RERGL: variants seen among roughly 807,000 people sequenced by gnomAD.
The protein encoded by RERGL is RERG like.
A neutral mutation model predicts 24.7 loss-of-function variants in RERGL; 22 were observed. The ratio of observed to expected loss-of-function variants is 0.89; its 90% CI spans 0.64 to 1.27. The LOEUF is 1.27. Among genes scored for constraint, RERGL ranks in the 50% most tolerant of loss-of-function variants. RERGL has a pLI of 0.00. For missense variants in RERGL, 259 were observed against 235.3 expected (o/e 1.10, Z -0.66); for synonymous variants, 76 against 82.6 (o/e 0.92, Z 0.43).
chr12:18,085,839 G>A, intron 2 of RERGL, 146 bp from the exon 3 acceptor site: 1 of 406,054 alleles, frequency 2.5e-6, no homozygotes, highest in Non-Finnish European at 4.4e-6. Context: ...TATTTACTCA[G>A]ATATGTTTCT....
In RERGL at chr12:18,081,084, A is replaced by G; in HGVS notation, c.*107T>C. 1 of 1,002,164 alleles carries G rather than the reference A, an allele frequency of 1.0e-6. No individual in the cohort carries two copies. The highest frequency in any genetic ancestry group is 1.4e-6 in the Non-Finnish European group (1 of 698,172). 62.1% of individuals were successfully genotyped at this position (1,002,164 alleles called of 1,614,324 possible). On this transcript the variant is annotated 3_prime_UTR_variant, in exon 5 of 5. Coordinates refer to ENST00000538724, the MANE Select transcript of RERGL (RefSeq NM_001286201.2). The stretch of plus-strand genomic sequence containing the variant: ...CATACTCAATCATTTCATATCTCCA[A>G]GAGAATTCTTTTTACCAAAAAAAAA...
intron 3 of RERGL, 38 bp downstream of exon 3, chr12:18,085,582 T>C (rs1217887411): frequency 7.7e-7 from 1 of 1,290,330 alleles, no homozygotes; most frequent in Non-Finnish European, 1.1e-6. Context: ...AATCAATCAA[T>C]AAATAAATCA....
chr12:18,087,759 T>G (rs917078717), intron 2 of RERGL, among the ~76,000 whole-genome samples: 3 of 152,198 alleles, frequency 2.0e-5, no homozygotes, highest in Non-Finnish European at 4.4e-5. Flanking sequence ...TTTGTTTTAT[T>G]TTTTAGTTCT....
chr12:18,084,100 T>C (rs1044201021), intron 4 of RERGL, among the ~76,000 whole-genome samples: 10 of 152,308 alleles, frequency 6.6e-5, no homozygotes, highest in Non-Finnish European at 1.0e-4. Flanking sequence ...TTTGCTTTGA[T>C]AGATTGAACA....
intron 2 of RERGL, 146 bp from the exon 3 acceptor site, chr12:18,085,839 G>T: frequency 9.9e-6 from 4 of 406,048 alleles, no homozygotes; most frequent in Non-Finnish European, 1.8e-5. Flanking sequence ...TATTTACTCA[G>T]ATATGTTTCT....
rs1947232663 is a variant in RERGL, at chr12:18,087,636, T to C, written c.109+1264A>G. On this transcript the variant is annotated intron_variant, in intron 2 of 4. Transcript: ENST00000538724. ...ATGCCTCTAGGTCTTTTATTTTTCA[T>C]CGAGAGGTAACAGCCAGAAATATGT... 2.0e-5 allele frequency among the ~76,000 whole-genome samples: 3 copies of C among 152,176 alleles called. 1 individual carries two copies. Among genetic ancestry groups the C allele is most frequent in the Non-Finnish European group, 4.4e-5 (3 of 68,010 alleles).
intron 2 of RERGL, among the ~76,000 whole-genome samples, chr12:18,088,385 C>A (rs1056546779): frequency 1.3e-5 from 2 of 151,956 alleles, no homozygotes; most frequent in Admixed American, 6.6e-5. Context: ...AAAATTATAT[C>A]AAAATGCCCC....
chr12:18,086,416 T>C (rs2136831901), intron 2 of RERGL, among the ~76,000 whole-genome samples: 1 of 152,258 alleles, frequency 6.6e-6, no homozygotes, highest in South Asian at 2.1e-4. Flanking sequence ...AGCAACATCT[T>C]ACAAACATGA....
At chr12:18,085,855 T>C (rs1352215745) in intron 2 of RERGL, among the ~76,000 whole-genome samples, 162 bp from the exon 3 acceptor site, 32 of 102,550 alleles carry the variant, frequency 3.1e-4, no homozygotes, top group East Asian at 1.1e-3. Context: ...TTTCTTTTTT[T>C]TTTTTTTTTT....
In RERGL at chr12:18,083,139, A is replaced by G. The variant is rs534551199; in HGVS notation, c.332+1378T>C. On this transcript the variant is annotated intron_variant, in intron 4 of 4. Transcript: ENST00000538724. ...TTTAGTCTAGTTTATAAAATTATTG[A>G]AAAGGGTAAATGAGGAAGGATATAT... Among the ~76,000 whole-genome samples the G allele has an allele frequency of 9.9e-5, 15 of 152,264 alleles. No individual in the cohort carries two copies. In the South Asian group the frequency reaches 3.1e-3, roughly 32 times the overall value.
intron 2 of RERGL, among the ~76,000 whole-genome samples, chr12:18,087,535 A>G (rs1947231796): frequency 6.6e-6 from 1 of 152,206 alleles, no homozygotes; most frequent in Non-Finnish European, 1.5e-5. Flanking sequence ...GTTTTAATAT[A>G]CAAAGTGGAG....
Position 18,081,117 on chromosome 12 carries a change from C to A in RERGL, c.*74G>T. On this transcript the variant is annotated 3_prime_UTR_variant, in exon 5 of 5. Coordinates refer to ENST00000538724, the MANE Select transcript of RERGL (RefSeq NM_001286201.2). ...CTTTTTACCAAAAAAAAATTGCATACAAAGGTTAGTTTAATTATCATGTGA... is the reference window on the plus strand; with the variant it reads ...CTTTTTACCAAAAAAAAATTGCATAAAAAGGTTAGTTTAATTATCATGTGA... The A allele has an allele frequency of 7.3e-7, 1 of 1,375,162 alleles. No homozygotes were observed. Among genetic ancestry groups the A allele is most frequent in the South Asian group, 1.5e-5 (1 of 67,020 alleles). 85.2% of individuals were successfully genotyped at this position (1,375,162 alleles called of 1,614,324 possible).
chr12:18,084,084 G>A (rs1947196925), intron 4 of RERGL, among the ~76,000 whole-genome samples: 2 of 152,152 alleles, frequency 1.3e-5, no homozygotes, highest in South Asian at 4.1e-4. Flanking sequence ...TGATTACTCA[G>A]TCTATTTTGC....
intron 2 of RERGL, among the ~76,000 whole-genome samples, chr12:18,087,803 A>G (rs980278372): frequency 6.6e-6 from 1 of 152,046 alleles, no homozygotes; most frequent in East Asian, 1.9e-4. Context: ...CCTAACTTGT[A>G]TGTTATGTTG....
intron 2 of RERGL, among the ~76,000 whole-genome samples, chr12:18,085,921 G>A (rs112875758): frequency 4.7e-5 from 7 of 148,046 alleles, no homozygotes; most frequent in Middle Eastern, 3.5e-3. Context: ...GCAGTGGCGC[G>A]ATCTCGGCTC....
rs546172499 is a variant in RERGL, at chr12:18,081,166, G to A, written c.*25C>T. 1.3e-6 allele frequency: 2 copies of A among 1,565,076 alleles called. No individual in the cohort carries two copies. The highest frequency in any genetic ancestry group is 1.7e-6 in the Non-Finnish European group (2 of 1,150,796). ...GAATGTTTGAAACTCTCTGATATAG[G>A]AAATCTCCCAGGATTACCTGTCTAC... On this transcript the variant is annotated 3_prime_UTR_variant, in exon 5 of 5. Coordinates refer to ENST00000538724, the MANE Select transcript of RERGL (RefSeq NM_001286201.2).
intron 1 of RERGL, chr12:18,089,238 C>G: frequency 1.9e-6 from 3 of 1,607,970 alleles, no homozygotes; most frequent in Non-Finnish European, 2.5e-6. Context: ...CCTTTTGTAA[C>G]AGAAACAGAT....
At chr12:18,081,975 C>T (rs1456430015) in intron 4 of RERGL, among the ~76,000 whole-genome samples, 2 of 151,926 alleles carry the variant, frequency 1.3e-5, no homozygotes, top group African/African-American at 4.8e-5. Flanking sequence ...TTCATCTCTA[C>T]TAAAAGTACA....
At chr12:18,085,943 C>T (rs1238989403) in intron 2 of RERGL, among the ~76,000 whole-genome samples, 3 of 150,162 alleles carry the variant, frequency 2.0e-5, no homozygotes, top group Non-Finnish European at 3.0e-5. Context: ...CCGCAAGCTC[C>T]GCCTCCTGGG....
Sources: gnomAD v4.1 joint callset for allele counts (sites outside exome capture counted in the v4.1 genomes callset) on GRCh38, gnomAD v4.1.1 for gene constraint, MANE v1.5 for transcripts, NCBI Gene and HGNC (gene_info 2026-07-23, HGNC 2026-07-21) for gene names.